The following NAALAD2 variants were observed in gnomAD, a reference collection of about 807,000 sequenced individuals.
The protein encoded by NAALAD2 is N-acetylated-alpha-linked acidic dipeptidase 2.
NAALAD2 carries 89 observed loss-of-function variants against 95.6 expected under a neutral mutation model. The ratio of observed to expected loss-of-function variants is 0.93; its 90% CI spans 0.78 to 1.11. The LOEUF (loss-of-function observed/expected upper bound fraction) is 1.11. Among genes scored for constraint, NAALAD2 ranks in the 50% least tolerant of loss-of-function variants. The pLI is 0.00. For missense variants in NAALAD2, 894 were observed against 872.4 expected (o/e 1.02, Z -0.31); for synonymous variants, 264 against 294.4 (o/e 0.90, Z 1.06).
rs1951826272 is a variant in NAALAD2, at chr11:90,149,178, C to G, written c.483+71C>G. The G allele has an allele frequency of 3.3e-6, 3 of 899,104 alleles. No individual in the cohort carries two copies. In the Admixed American group the frequency reaches 7.6e-5, roughly 23 times the overall value. 55.7% of individuals were successfully genotyped at this position (899,104 alleles called of 1,614,324 possible). On this transcript the variant is annotated intron_variant, in intron 4 of 18. Transcript: ENST00000534061. ...TGCTATGTAAAACCTGTATGGAGGA[C>G]TAAAACCAAGGAAATTAGGTGAATC... is the stretch of plus-strand genomic sequence containing the variant.
At chr11:90,189,922 T>C (rs576721530) in intron 18 of NAALAD2, among the ~76,000 whole-genome samples, 1 of 152,262 alleles carries the variant, frequency 6.6e-6, no homozygotes, top group Non-Finnish European at 1.5e-5. Flanking sequence ...TTCAGAAATG[T>C]CCATTGTGGA....
chr11:90,135,603 T>C lies in NAALAD2; in HGVS notation c.127T>C (p.Tyr43His), dbSNP rs758186829. The C allele has an allele frequency of 4.0e-5, 64 of 1,613,434 alleles. No individual in the cohort carries two copies. The highest frequency in any genetic ancestry group is 5.3e-5 in the African/African-American group (4 of 74,894). The change falls in exon 2 of 19, where the codon TAT (tyrosine) becomes CAT (histidine). Residue 43 changes from tyrosine to histidine, a missense_variant. Physicochemically the swap from Tyr to His is moderately conservative, Grantham distance 83. Coordinates refer to ENST00000534061, the MANE Select transcript of NAALAD2 (RefSeq NM_005467.4). ...CAAAGAAACGACCACTTCTGTGCGCTATCATCAAAGTATACGGTGGAAACT... is the reference window on the plus strand; with the variant it reads ...CAAAGAAACGACCACTTCTGTGCGCCATCATCAAAGTATACGGTGGAAACT... The part of the protein sequence containing the change: ...PLKETTTSVR[Y>H]HQSIRWKLVS...
At chr11:90,174,179 A>G (rs1016641699) in intron 14 of NAALAD2, among the ~76,000 whole-genome samples, 4 of 152,088 alleles carry the variant, frequency 2.6e-5, no homozygotes, top group Non-Finnish European at 5.9e-5. Flanking sequence ...TAAAAATACA[A>G]AATTAGCCGG....
rs1445637052 is a variant in NAALAD2, at chr11:90,152,354, T to A, written c.666T>A (p.Ala222=). 1.2e-6 allele frequency: 2 copies of A among 1,613,678 alleles called. No homozygotes were observed. The highest frequency in any genetic ancestry group is 1.7e-6 in the Non-Finnish European group (2 of 1,179,680). ...AIGIILYSDP[A]DYFAPEVQPY... is the part of the protein sequence containing the mutation. ...GAATCATCTTGTACTCAGATCCAGC[T>A]GACTACTTTGCTCCTGAGGTACAGC... is the stretch of plus-strand genomic sequence containing the variant. The change falls in exon 6 of 19, where the codon GCT becomes GCA. Residue 222 remains alanine (A), a synonymous_variant. Coordinates refer to ENST00000534061, the MANE Select transcript of NAALAD2 (RefSeq NM_005467.4).
chr11:90,170,041 A>G (rs1191878855), intron 12 of NAALAD2, 28 bp from the exon 13 acceptor site: 2 of 1,335,316 alleles, frequency 1.5e-6, no homozygotes, highest in Non-Finnish European at 2.2e-6. Flanking sequence ...AGTATGAAAT[A>G]ATACTCTGTG....
At chr11:90,148,149 T>C (rs1415816729) in intron 3 of NAALAD2, among the ~76,000 whole-genome samples, 1 of 152,184 alleles carries the variant, frequency 6.6e-6, no homozygotes. Flanking sequence ...AGGATGTGGC[T>C]AGAGGGGCAT....
intron 18 of NAALAD2, among the ~76,000 whole-genome samples, chr11:90,185,540 G>A (rs999601166): frequency 5.9e-5 from 9 of 152,042 alleles, no homozygotes; most frequent in South Asian, 4.1e-4. Flanking sequence ...GTGTAGTGGT[G>A]CATGCAATCC....
rs1565523625 is a variant in NAALAD2, at chr11:90,155,712, G to GCA, written c.797-2433_797-2432insCA. Among the ~76,000 whole-genome samples, 11 of 43,772 alleles carry GCA rather than the reference G, an allele frequency of 2.5e-4. 1 individual carries two copies. The highest frequency in any genetic ancestry group is 1.7e-3 in the African/African-American group (11 of 6,352). 28.7% of individuals were successfully genotyped at this position (43,772 alleles called of 152,430 possible). On this transcript the variant is annotated intron_variant, in intron 6 of 18. Transcript: ENST00000534061. Reference sequence around the variant, plus strand: ...ACATACATATGTATGTATTATTATTGTATGTATGTAATACATACATACATA... The same window carrying GCA: ...ACATACATATGTATGTATTATTATTGCATATGTATGTAATACATACATACATA...
chr11:90,134,091 C>G (rs1450188490), upstream of NAALAD2, among the ~76,000 whole-genome samples: 3 of 152,284 alleles, frequency 2.0e-5, no homozygotes, highest in Admixed American at 6.5e-5. Context: ...AAGGTCCTTT[C>G]AGTGATTACT....
chr11:90,135,371 T>C (rs760137093), intron 1 of NAALAD2, among the ~76,000 whole-genome samples, 188 bp from the exon 2 acceptor site: 1 of 152,206 alleles, frequency 6.6e-6, no homozygotes, highest in African/African-American at 2.4e-5. Context: ...CATCTAAAAA[T>C]TATATTACAT....
At chr11:90,144,908 T>G (rs1304045680) in intron 2 of NAALAD2, among the ~76,000 whole-genome samples, 2 of 152,030 alleles carry the variant, frequency 1.3e-5, no homozygotes, top group African/African-American at 4.8e-5. Flanking sequence ...AGGGCTTAAA[T>G]GTGGGAACAA....
intron 16 of NAALAD2, among the ~76,000 whole-genome samples, chr11:90,180,552 A>G (rs1952931589): frequency 6.6e-6 from 1 of 151,998 alleles, no homozygotes. Context: ...AGAAATAGAA[A>G]TTCTTTCCAT....
At chr11:90,159,386 G>A in intron 8 of NAALAD2, 49 bp downstream of exon 8, 1 of 1,344,682 alleles carries the variant, frequency 7.4e-7, no homozygotes, top group Non-Finnish European at 1.1e-6. Context: ...TATTTTTAAT[G>A]GAAACATGTC....
intron 13 of NAALAD2, 37 bp downstream of exon 13, chr11:90,170,173 G>A: frequency 8.2e-7 from 1 of 1,213,192 alleles, no homozygotes; most frequent in South Asian, 1.2e-5. Flanking sequence ...GTTCTCTTTT[G>A]AATGGATAAA....
At chr11:90,168,230 G>A (rs1447544288) in intron 11 of NAALAD2, among the ~76,000 whole-genome samples, 4 of 152,118 alleles carry the variant, frequency 2.6e-5, no homozygotes, top group Non-Finnish European at 5.9e-5. Flanking sequence ...CCACCAGAAG[G>A]AAGAAACTCT....
chr11:90,152,820 A>C (rs1425267524), intron 6 of NAALAD2, among the ~76,000 whole-genome samples: 1 of 152,164 alleles, frequency 6.6e-6, no homozygotes, highest in Non-Finnish European at 1.5e-5. Flanking sequence ...TTGTATTTTT[A>C]AAAATACAAT....
chr11:90,183,358 T>A (rs1857023800), intron 18 of NAALAD2, among the ~76,000 whole-genome samples: 1 of 152,154 alleles, frequency 6.6e-6, no homozygotes, highest in Admixed American at 6.6e-5. Flanking sequence ...AGTCTCAGAA[T>A]CTTTTAGTGA....
intron 5 of NAALAD2, among the ~76,000 whole-genome samples, chr11:90,150,811 A>G (rs1951870560): frequency 6.6e-6 from 1 of 151,572 alleles, no homozygotes; most frequent in Non-Finnish European, 1.5e-5. Flanking sequence ...AATCATTTTT[A>G]TTATAAAAGT....
intron 7 of NAALAD2, 167 bp from the exon 8 acceptor site, chr11:90,159,072 T>C: frequency 1.6e-6 from 1 of 611,082 alleles, no homozygotes; most frequent in Admixed American, 3.0e-5. Flanking sequence ...ATGGCTCTCT[T>C]GCTAGAAAAT....
Sources: gnomAD v4.1 joint callset for allele counts (sites outside exome capture counted in the v4.1 genomes callset) on GRCh38, gnomAD v4.1.1 for gene constraint, MANE v1.5 for transcripts, NCBI Gene and HGNC (gene_info 2026-07-23, HGNC 2026-07-21) for gene names.